Variants in CPT2 observed in about 807,000 individuals in gnomAD.
CPT2 encodes carnitine palmitoyltransferase 2.
In CPT2, 37 loss-of-function variants were observed where a neutral mutation model predicts 48.6. The ratio of observed to expected loss-of-function variants is 0.76; its 90% CI spans 0.59 to 1.00. The LOEUF (loss-of-function observed/expected upper bound fraction) is 1.00, where lower values mean the gene tolerates loss of function less well. Among genes scored for constraint, CPT2 ranks in the 50% least tolerant of loss-of-function variants. The probability of loss-of-function intolerance (pLI) is 0.00; values close to 1 mark genes in which losing one functional copy is unlikely to be tolerated. For missense variants in CPT2, 772 were observed against 825.6 expected, an observed-to-expected ratio of 0.94 and a Z score of 0.80; for synonymous variants, 319 against 326.9, an observed-to-expected ratio of 0.98 and a Z score of 0.26.
chr1:53,203,319 A>C (rs145851179), intron 3 of CPT2: 1 of 152,212 alleles, frequency 6.6e-6, no homozygotes, highest in East Asian at 1.9e-4. Flanking sequence ...CCTTATTTTC[A>C]CAGCATAGGG....
chr1:53,211,761 G>A (rs1371717215), intron 4 of CPT2, among the ~76,000 whole-genome samples: 1 of 151,886 alleles, frequency 6.6e-6, no homozygotes, highest in Non-Finnish European at 1.5e-5. Flanking sequence ...ACTACACCTG[G>A]CTAGTTTTTG....
chr1:53,200,776 T>C lies in CPT2; in HGVS notation c.210T>C (p.Pro70=), dbSNP rs370633858. The change falls in exon 2 of 5, where the codon CCT becomes CCC. Residue 70 remains proline (P), a synonymous_variant. Transcript: ENST00000371486. The part of the protein sequence containing the change: ...TIRRYLSAQK[P]LLNDGQFRKT... ...GGAGATACCTCAGTGCACAGAAGCC[T>C]CTCTTGAATGATGGCCAGTTCAGGT... 1 of 1,613,984 alleles carries C rather than the reference T, an allele frequency of 6.2e-7. No individual in the cohort carries two copies. Among genetic ancestry groups the C allele is most frequent in the Non-Finnish European group, 8.5e-7 (1 of 1,179,884 alleles).
intron 3 of CPT2, among the ~76,000 whole-genome samples, chr1:53,205,703 G>T (rs1171369255): frequency 6.6e-6 from 1 of 152,226 alleles, no homozygotes; most frequent in Non-Finnish European, 1.5e-5. Flanking sequence ...GGTTTCCTGG[G>T]CCCTGCTGTT....
intron 3 of CPT2, among the ~76,000 whole-genome samples, chr1:53,204,778 C>T (rs947093237): frequency 4.6e-5 from 7 of 152,102 alleles, no homozygotes; most frequent in Non-Finnish European, 8.8e-5. Flanking sequence ...TGGTTTCTCA[C>T]GAGCTCTGAT....
chr1:53,211,596 C>CT, intron 4 of CPT2: 4 of 438,922 alleles, frequency 9.1e-6, no homozygotes, highest in South Asian at 4.9e-5. Context: ...ATTCTTTTTT[C>CT]TTTCTTTTTT....
At position 53,211,021 on chromosome 1, in the gene CPT2, G is replaced by A; in HGVS notation, c.1347G>A (p.Gln449=). The A allele has an allele frequency of 1.2e-6, 2 of 1,614,204 alleles. No homozygotes were observed. The highest frequency in any genetic ancestry group is 2.7e-5 in the African/African-American group (2 of 75,046). The change falls in exon 4 of 5, where the codon CAG becomes CAA. Residue 449 remains glutamine, a synonymous_variant. Coordinates refer to ENST00000371486, the MANE Select transcript of CPT2 (RefSeq NM_000098.3). ...KTLTIDCVQF[Q]RGGKEFLKKQ... is the part of the protein sequence containing the mutation. ...TCACTATTGACTGCGTCCAGTTTCAGAGAGGAGGCAAAGAATTCCTGAAGA... is the reference window on the plus strand; with the variant it reads ...TCACTATTGACTGCGTCCAGTTTCAAAGAGGAGGCAAAGAATTCCTGAAGA...
chr1:53,200,807 C>G lies in CPT2; in HGVS notation c.233+8C>G. ...GAATGATGGCCAGTTCAGGTAAACA[C>G]TGAGAACCTTGGGTGAGCATAGTTG... On this transcript the variant is annotated splice_region_variant and intron_variant, in intron 2 of 4. Coordinates refer to ENST00000371486, the MANE Select transcript of CPT2 (RefSeq NM_000098.3). 1 of 1,607,424 alleles carries G rather than the reference C, an allele frequency of 6.2e-7. No homozygotes were observed. The highest frequency in any genetic ancestry group is 1.1e-5 in the South Asian group (1 of 90,922).
chr1:53,204,565 T>G (rs1255212873), intron 3 of CPT2, among the ~76,000 whole-genome samples: 5 of 152,176 alleles, frequency 3.3e-5, no homozygotes, highest in Non-Finnish European at 7.3e-5. Context: ...AGTGAGATAT[T>G]AAAAAGCTCT....
chr1:53,201,077 G>T, intron 2 of CPT2: 1 of 469,634 alleles, frequency 2.1e-6, no homozygotes, highest in Non-Finnish European at 3.9e-6. Context: ...GAGGCTCGCT[G>T]GTCCTGGTCA....
Position 53,202,449 on chromosome 1 carries a change from G to A in CPT2, c.340+20G>A, listed in dbSNP as rs369737473. The A allele has an allele frequency of 4.5e-6, 7 of 1,571,832 alleles. No individual in the cohort carries two copies. Among genetic ancestry groups the A allele is most frequent in the Middle Eastern group, 1.7e-4 (1 of 5,980 alleles). On this transcript the variant is annotated intron_variant, in intron 3 of 4. Transcript: ENST00000371486. Reference sequence around the variant, plus strand: ...TTTCGGGTAGGTAGGCTGGGCTGTGGGTATGATTTCTCCCAGAGCCCTCCA... The same window carrying A: ...TTTCGGGTAGGTAGGCTGGGCTGTGAGTATGATTTCTCCCAGAGCCCTCCA...
At position 53,196,827 on chromosome 1, in the gene CPT2, G is replaced by T. The variant is rs886046405; in HGVS notation, c.-117G>T. 4.6e-5 allele frequency: 62 copies of T among 1,340,636 alleles called. No individual in the cohort carries two copies. The East Asian group carries it at 6.1e-4, about 13-fold the overall frequency. 83.0% of individuals were successfully genotyped at this position (1,340,636 alleles called of 1,614,324 possible). On this transcript the variant is annotated 5_prime_UTR_variant, in exon 1 of 5. Coordinates refer to ENST00000371486, the MANE Select transcript of CPT2 (RefSeq NM_000098.3). ...GGGCCGGAAGTGGCCTGCGGGCGGA[G>T]AAGTGCCTCAGGAGTCCTGACGCAG...
chr1:53,204,293 T>G (rs1645372648), intron 3 of CPT2: 1 of 152,104 alleles, frequency 6.6e-6, no homozygotes, highest in Non-Finnish European at 1.5e-5. Flanking sequence ...CATCTCTTAC[T>G]CTTTTTGTTA....
rs369737473 is a variant in CPT2 at position 53,202,449 on chromosome 1, G to C, written c.340+20G>C. On this transcript the variant is annotated intron_variant, in intron 3 of 4. Coordinates refer to ENST00000371486, the MANE Select transcript of CPT2 (RefSeq NM_000098.3). ...TTTCGGGTAGGTAGGCTGGGCTGTG[G>C]GTATGATTTCTCCCAGAGCCCTCCA... is the stretch of plus-strand genomic sequence containing the variant. The C allele has an allele frequency of 4.5e-6, 7 of 1,571,714 alleles. No individual in the cohort carries two copies. Among genetic ancestry groups the C allele is most frequent in the Non-Finnish European group, 5.3e-6 (6 of 1,141,528 alleles).
rs1553170029 is a variant in CPT2, at chr1:53,213,545, GC to G, written c.1929del (p.Leu644Ter). Reference protein sequence around the residue: ...AREFLQCVEKALEDMFDALEG... With the variant: ...AREFLQCVEKXLEDMFDALEG... ...GGAGTTTCTCCAATGTGTGGAGAAG[GC>G]CTTAGAAGACATGTTTGATGCCTTA... On this transcript the variant is annotated frameshift_variant, in exon 5 of 5. Transcript: ENST00000371486. LOFTEE classifies it high-confidence loss of function. 6.2e-7 allele frequency: 1 copy of G among 1,614,084 alleles called. No individual in the cohort carries two copies. Among genetic ancestry groups the G allele is most frequent in the African/African-American group, 1.3e-5 (1 of 74,944 alleles).
intron 1 of CPT2, among the ~76,000 whole-genome samples, chr1:53,199,250 G>A (rs867232103): frequency 6.6e-6 from 1 of 152,106 alleles, no homozygotes; most frequent in African/African-American, 2.4e-5. Context: ...TAGTAGAGAT[G>A]GAGTTTCACC....
At position 53,213,897 on chromosome 1, in the gene CPT2, G is replaced by A; in HGVS notation, c.*302G>A. 2.6e-6 allele frequency: 1 copy of A among 385,062 alleles called. No homozygotes were observed. Among genetic ancestry groups the A allele is most frequent in the Non-Finnish European group, 4.9e-6 (1 of 203,924 alleles). 23.9% of individuals were successfully genotyped at this position (385,062 alleles called of 1,614,324 possible). A position where few individuals can be genotyped will look rare whatever the true frequency, so the allele number is the denominator to read the frequency against. On this transcript the variant is annotated 3_prime_UTR_variant, in exon 5 of 5. Coordinates refer to ENST00000371486, the MANE Select transcript of CPT2 (RefSeq NM_000098.3). ...GCTGAGATCACACCACTGCACTCCGGCCTGGGCGACAGAGCGAGACTGTCT... is the reference window on the plus strand; with the variant it reads ...GCTGAGATCACACCACTGCACTCCGACCTGGGCGACAGAGCGAGACTGTCT...
Sources: allele counts gnomAD v4.1 joint callset (sites outside exome capture counted in the v4.1 genomes callset), GRCh38; gene constraint gnomAD v4.1.1; transcripts MANE v1.5; gene names NCBI Gene and HGNC (gene_info 2026-07-23, HGNC 2026-07-21).